CTNNA3: variants seen among roughly 807,000 people sequenced by gnomAD.
CTNNA3 encodes catenin alpha-3.
CTNNA3 carries 76 observed loss-of-function variants against 95.7 expected under a neutral mutation model. The observed-to-expected ratio is 0.79, with a 90% CI of 0.66 to 0.96. The LOEUF is 0.96. Among genes scored for constraint, CTNNA3 ranks in the 40% least tolerant of loss-of-function variants. The pLI is 0.00. For synonymous variants in CTNNA3, 431 were observed against 374.4 expected (o/e 1.15, Z -1.74); for missense variants, 1,191 against 1,089.8 (o/e 1.09, Z -1.31).
chr10:66,760,699 A>G (rs1331426318), intron 9 of CTNNA3, among the ~76,000 whole-genome samples: 1 of 152,200 alleles, frequency 6.6e-6, no homozygotes, highest in Admixed American at 6.6e-5. Context: ...AAAATTTATA[A>G]AGAAATCACT....
At chr10:65,933,538 A>G (rs998554415) in intron 17 of CTNNA3, among the ~76,000 whole-genome samples, 1 of 152,214 alleles carries the variant, frequency 6.6e-6, no homozygotes, top group African/African-American at 2.4e-5. Flanking sequence ...AATGTGCATC[A>G]TAGCAAAAAA....
intron 13 of CTNNA3, among the ~76,000 whole-genome samples, chr10:66,115,951 G>T (rs1465279454): frequency 6.6e-6 from 1 of 151,960 alleles, no homozygotes; most frequent in Non-Finnish European, 1.5e-5. Context: ...CAAGGTTACT[G>T]GATTGAAGTT....
Position 66,236,442 on chromosome 10 carries a change from T to G in CTNNA3, c.1884+44028A>C, listed in dbSNP as rs2089859228. On this transcript the variant is annotated intron_variant, in intron 13 of 17. Coordinates refer to ENST00000433211, the MANE Select transcript of CTNNA3 (RefSeq NM_013266.4). ...CAATTATCTAAATATTTAGTAATAT[T>G]TAATCTGTAAGATATTTTGGTAGGT... 2.0e-5 allele frequency among the ~76,000 whole-genome samples: 3 copies of G among 152,162 alleles called. No homozygotes were observed. In the South Asian group the frequency reaches 6.2e-4, roughly 31 times the overall value.
rs147870801 is a variant in CTNNA3, at chr10:67,742,152, C to T, written c.-2+21282G>A. Among the ~76,000 whole-genome samples, 51 of 151,136 alleles carry T rather than the reference C, an allele frequency of 3.4e-4. 2 individuals carry two copies. The highest frequency in any genetic ancestry group is 1.3e-4 in the Admixed American group (2 of 15,076). ...GAACTGAACTCAGCTCTGCACCAAGCGGACCTAATAGACACAACTTTCCAC... is the reference window on the plus strand; with the variant it reads ...GAACTGAACTCAGCTCTGCACCAAGTGGACCTAATAGACACAACTTTCCAC... On this transcript the variant is annotated intron_variant, in intron 1 of 17. Transcript: ENST00000684154.
intron 5 of CTNNA3, among the ~76,000 whole-genome samples, chr10:67,418,647 G>C (rs1262023192): frequency 6.6e-6 from 1 of 152,048 alleles, no homozygotes; most frequent in Non-Finnish European, 1.5e-5. Context: ...AAAAAAAGTT[G>C]AACTCACACA....
chr10:66,651,665 C>G (rs1242327071), intron 9 of CTNNA3, among the ~76,000 whole-genome samples: 1 of 85,316 alleles, frequency 1.2e-5, no homozygotes, highest in Non-Finnish European at 2.6e-5. Flanking sequence ...CCGGCCGGCA[C>G]TGCTGGGGGA....
chr10:67,376,434 T>A (rs1035065605), intron 5 of CTNNA3, among the ~76,000 whole-genome samples: 1 of 152,228 alleles, frequency 6.6e-6, no homozygotes, highest in Non-Finnish European at 1.5e-5. Flanking sequence ...TCCTCTCACA[T>A]GAATTAAGAT....
At chr10:66,817,311 T>G (rs1356205731) in intron 7 of CTNNA3, among the ~76,000 whole-genome samples, 3 of 151,386 alleles carry the variant, frequency 2.0e-5, no homozygotes, top group Non-Finnish European at 3.0e-5. Flanking sequence ...ATAATAATAA[T>G]TAAACTAGAA....
At chr10:66,335,361 T>C (rs1418652974) in intron 12 of CTNNA3, among the ~76,000 whole-genome samples, 1 of 152,134 alleles carries the variant, frequency 6.6e-6, no homozygotes, top group Non-Finnish European at 1.5e-5. Flanking sequence ...CTTTGTGGTT[T>C]TATCTACCTT....
chr10:67,254,213 G>A (rs748296056), intron 5 of CTNNA3, among the ~76,000 whole-genome samples: 14 of 151,942 alleles, frequency 9.2e-5, no homozygotes, highest in South Asian at 6.3e-4. Flanking sequence ...AGTGGCCCCC[G>A]AGACTCACTT....
At chr10:66,835,008 T>C (rs1296969042) in intron 7 of CTNNA3, among the ~76,000 whole-genome samples, 1 of 152,200 alleles carries the variant, frequency 6.6e-6, no homozygotes, top group Non-Finnish European at 1.5e-5. Context: ...CCATAGACAC[T>C]GCAGTGAGGA....
chr10:67,317,451 G>C (rs1478206160), intron 5 of CTNNA3, among the ~76,000 whole-genome samples: 7 of 129,752 alleles, frequency 5.4e-5, no homozygotes, highest in Non-Finnish European at 1.1e-4. Context: ...TTTTGAGATT[G>C]AGTCTCTCCC....
At chr10:67,234,178 C>T (rs1328881601) in intron 5 of CTNNA3, among the ~76,000 whole-genome samples, 1 of 152,134 alleles carries the variant, frequency 6.6e-6, no homozygotes, top group Admixed American at 6.5e-5. Flanking sequence ...CCAGCATCAT[C>T]CTGATACCAA....
At position 67,662,160 on chromosome 10, in the gene CTNNA3, G is replaced by A. The variant is rs562614425; in HGVS notation, c.-5-14642C>T. On this transcript the variant is annotated intron_variant, in intron 1 of 17. Transcript: ENST00000433211. The stretch of plus-strand genomic sequence containing the variant: ...GGGATATGTTCCAAGACCCCCAGTG[G>A]ATACTTGAAACCTGGGATAGTACCA... Among the ~76,000 whole-genome samples the A allele has an allele frequency of 1.6e-4, 24 of 152,196 alleles. No individual in the cohort carries two copies. In the South Asian group the frequency reaches 4.0e-3, roughly 25 times the overall value.
intron 7 of CTNNA3, among the ~76,000 whole-genome samples, chr10:67,164,573 G>GA (rs1323451624): frequency 1.3e-5 from 2 of 151,868 alleles, no homozygotes; most frequent in Non-Finnish European, 2.9e-5. Context: ...ACACATAAAA[G>GA]AAAAAATAGA....
intron 7 of CTNNA3, among the ~76,000 whole-genome samples, chr10:66,996,610 T>C (rs1010629735): frequency 8.1e-6 from 1 of 123,110 alleles, no homozygotes; most frequent in Non-Finnish European, 1.6e-5. Flanking sequence ...ATCGCACCAC[T>C]GCATTCAGCC....
At chr10:66,381,423 T>TAC (rs2092837625) in intron 11 of CTNNA3, among the ~76,000 whole-genome samples, 2 of 152,220 alleles carry the variant, frequency 1.3e-5, no homozygotes, top group African/African-American at 4.8e-5. Context: ...GTTTTAATTA[T>TAC]TTACTTTTAA....
rs1039951990 is a variant in CTNNA3, at chr10:66,287,821, G to T, written c.1733-7200C>A. ...TTTAATTTCTATTAACTGTCAGGAA[G>T]ACACTTGGCACACATACTCTTAAAA... On this transcript the variant is annotated intron_variant, in intron 12 of 17. Coordinates refer to ENST00000433211, the MANE Select transcript of CTNNA3 (RefSeq NM_013266.4). Among the ~76,000 whole-genome samples, 3 of 152,178 alleles carry T rather than the reference G, an allele frequency of 2.0e-5. No individual in the cohort carries two copies. In the East Asian group the frequency reaches 5.8e-4, roughly 29 times the overall value.
intron 7 of CTNNA3, among the ~76,000 whole-genome samples, chr10:67,156,525 CT>C (rs753204623): frequency 3.3e-5 from 5 of 151,678 alleles, no homozygotes; most frequent in Middle Eastern, 3.4e-3. Flanking sequence ...TAGATTTATT[CT>C]TTAACTTGTT....
Sources: gnomAD v4.1 joint callset for allele counts (sites outside exome capture counted in the v4.1 genomes callset) on GRCh38, gnomAD v4.1.1 for gene constraint, MANE v1.5 for transcripts, NCBI Gene and HGNC (gene_info 2026-07-23, HGNC 2026-07-21) for gene names.